The following CTNNA3 variants were observed in gnomAD, a reference collection of about 807,000 sequenced individuals.
The protein encoded by CTNNA3 is catenin alpha-3.
A neutral mutation model predicts 95.7 loss-of-function variants in CTNNA3; 76 were observed. The observed-to-expected ratio is 0.79, with a 90% confidence interval of 0.66 to 0.96. The LOEUF (loss-of-function observed/expected upper bound fraction) is 0.96. Ranked by LOEUF, CTNNA3 falls within the 40% of genes least tolerant of loss-of-function variation. The pLI is 0.00. For missense variants in CTNNA3, 1,191 were observed against 1,089.8 expected (o/e 1.09, Z -1.31); for synonymous variants, 431 against 374.4 (o/e 1.15, Z -1.74).
At chr10:67,372,710 T>C (rs1273170315) in intron 5 of CTNNA3, among the ~76,000 whole-genome samples, 1 of 152,054 alleles carries the variant, frequency 6.6e-6, no homozygotes, top group Non-Finnish European at 1.5e-5. Context: ...GAAAAAATGT[T>C]AAGGGCAGCC....
intron 12 of CTNNA3, among the ~76,000 whole-genome samples, chr10:66,354,112 G>A (rs1371456558): frequency 2.0e-5 from 3 of 151,834 alleles, no homozygotes; most frequent in South Asian, 2.1e-4. Context: ...GCAAAACCCC[G>A]TCTCTACTAA....
chr10:67,366,928 C>T (rs1843240656), intron 5 of CTNNA3, among the ~76,000 whole-genome samples: 1 of 151,610 alleles, frequency 6.6e-6, no homozygotes, highest in Admixed American at 6.6e-5. Context: ...TAAAAATTTT[C>T]AAAAAGTTTA....
intron 7 of CTNNA3, among the ~76,000 whole-genome samples, chr10:66,840,403 CACACACA>C (rs1843027527): frequency 6.7e-6 from 1 of 148,552 alleles, no homozygotes; most frequent in African/African-American, 2.5e-5. Context: ...CACACACACA[CACACACA>C]CCCCTCGGTA....
At chr10:67,683,938 C>T (rs1277775875) in intron 1 of CTNNA3, among the ~76,000 whole-genome samples, 12 of 152,174 alleles carry the variant, frequency 7.9e-5, no homozygotes, top group Admixed American at 7.9e-4. Context: ...CGCAGACCCT[C>T]GTGGTGAGTA....
At chr10:66,784,003 C>G (rs1253547536) in intron 7 of CTNNA3, among the ~76,000 whole-genome samples, 1 of 152,112 alleles carries the variant, frequency 6.6e-6, no homozygotes, top group African/African-American at 2.4e-5. Context: ...TTACATATGG[C>G]TATGGAAAGT....
At chr10:66,857,711 TC>T (rs1193639052) in intron 7 of CTNNA3, among the ~76,000 whole-genome samples, 1 of 152,024 alleles carries the variant, frequency 6.6e-6, no homozygotes, top group Non-Finnish European at 1.5e-5. Flanking sequence ...TCAGCTTGGC[TC>T]TTGTTGGCGT....
In CTNNA3 at chr10:66,378,803, G is replaced by T. The variant is rs2092813718; in HGVS notation, c.1732+349C>A. On this transcript the variant is annotated intron_variant, in intron 12 of 17. Coordinates refer to ENST00000433211, the MANE Select transcript of CTNNA3 (RefSeq NM_013266.4). ...TAAACAAAAACTTAGGGATATCAAT[G>T]ATACAGTTAACAGAGGGTTTGGTGA... 2.6e-5 allele frequency among the ~76,000 whole-genome samples: 4 copies of T among 152,128 alleles called. No homozygotes were observed. The South Asian group carries it at 8.3e-4, about 32-fold the overall frequency.
chr10:65,996,773 C>T (rs1011221583), intron 15 of CTNNA3, among the ~76,000 whole-genome samples: 2 of 152,190 alleles, frequency 1.3e-5, no homozygotes, highest in Non-Finnish European at 2.9e-5. Flanking sequence ...TCCAAGCTCC[C>T]AGGTGATCCT....
At chr10:66,139,377 A>G (rs928402299) in intron 13 of CTNNA3, among the ~76,000 whole-genome samples, 1 of 152,128 alleles carries the variant, frequency 6.6e-6, no homozygotes, top group African/African-American at 2.4e-5. Context: ...AGCTCCTAAG[A>G]GCCACTCATA....
At chr10:66,528,911 A>G (rs2132042658) in intron 10 of CTNNA3, among the ~76,000 whole-genome samples, 1 of 152,288 alleles carries the variant, frequency 6.6e-6, no homozygotes. Flanking sequence ...AAAAAAGAAA[A>G]GAAAAAAGTT....
At chr10:66,658,092 T>C (rs1294591970) in intron 9 of CTNNA3, among the ~76,000 whole-genome samples, 1 of 152,200 alleles carries the variant, frequency 6.6e-6, no homozygotes, top group Non-Finnish European at 1.5e-5. Flanking sequence ...GAAACATTGC[T>C]ACTTTATTGT....
intron 7 of CTNNA3, among the ~76,000 whole-genome samples, chr10:66,982,673 A>C (rs1850508127): frequency 6.6e-6 from 1 of 152,242 alleles, no homozygotes; most frequent in African/African-American, 2.4e-5. Context: ...AATAAAAGAG[A>C]TCAATGAATA....
At chr10:67,095,655 T>A (rs1857946277) in intron 7 of CTNNA3, among the ~76,000 whole-genome samples, 1 of 151,858 alleles carries the variant, frequency 6.6e-6, no homozygotes, top group Non-Finnish European at 1.5e-5. Context: ...GTAGAGTTAA[T>A]TCTAAGTAAG....
chr10:66,382,433 C>T (rs1366847782), intron 11 of CTNNA3, among the ~76,000 whole-genome samples: 5 of 142,540 alleles, frequency 3.5e-5, no homozygotes, highest in East Asian at 2.1e-4. Context: ...CCAGGAAGCT[C>T]GAACTAGGTG....
chr10:66,935,632 A>AT (rs1342064184), intron 7 of CTNNA3, among the ~76,000 whole-genome samples: 3 of 151,916 alleles, frequency 2.0e-5, no homozygotes, highest in Admixed American at 6.6e-5. Flanking sequence ...ATGCCTAAAA[A>AT]AATATATATA....
chr10:65,970,586 TC>T (rs1367842171), intron 16 of CTNNA3, among the ~76,000 whole-genome samples: 2 of 151,424 alleles, frequency 1.3e-5, no homozygotes, highest in African/African-American at 4.8e-5. Context: ...GAAATATCTA[TC>T]TTGCAGATTA....
At chr10:67,493,876 G>T (rs1274459853) in intron 5 of CTNNA3, among the ~76,000 whole-genome samples, 1 of 152,180 alleles carries the variant, frequency 6.6e-6, no homozygotes, top group Non-Finnish European at 1.5e-5. Flanking sequence ...CATTGCTGCT[G>T]CTGTTGTTGC....
chr10:66,728,914 G>A (rs1181837412), intron 9 of CTNNA3, among the ~76,000 whole-genome samples: 1 of 152,108 alleles, frequency 6.6e-6, no homozygotes, highest in Admixed American at 6.6e-5. Flanking sequence ...TAGATCTTGA[G>A]TTAATTTTTG....
chr10:67,075,165 T>C (rs1856680536), intron 7 of CTNNA3, among the ~76,000 whole-genome samples: 1 of 78,590 alleles, frequency 1.3e-5, no homozygotes, highest in African/African-American at 7.1e-5. Flanking sequence ...CTTCTAAGGA[T>C]TTCTGCACAC....
Sources: allele counts gnomAD v4.1 joint callset (sites outside exome capture counted in the v4.1 genomes callset), GRCh38; gene constraint gnomAD v4.1.1; transcripts MANE v1.5; gene names NCBI Gene and HGNC (gene_info 2026-07-23, HGNC 2026-07-21).